Variants in USP36 observed in about 807,000 individuals in gnomAD.
USP36 encodes ubiquitin specific peptidase 36.
In USP36, 59 loss-of-function variants were observed where a neutral mutation model predicts 111.5. The observed-to-expected ratio is 0.53, with a 90% CI of 0.43 to 0.66. USP36 has a LOEUF of 0.66. USP36 is among the 30% of genes least tolerant of loss of function. The pLI is 0.00. For synonymous variants in USP36, 628 were observed against 581.0 expected (o/e 1.08, Z -1.16); for missense variants, 1,488 against 1,468.0 (o/e 1.01, Z -0.22).
At position 78,821,076 on chromosome 17, in the gene USP36, A is replaced by C. The variant is rs1375651606; in HGVS notation, c.758-15T>G. ...GGAGCACTTCACTGCAACAGAACAGAGGCAGTGGAGCAGGTGGGGCCTGGC... is the reference window on the plus strand; with the variant it reads ...GGAGCACTTCACTGCAACAGAACAGCGGCAGTGGAGCAGGTGGGGCCTGGC... On this transcript the variant is annotated splice_polypyrimidine_tract_variant and intron_variant, in intron 7 of 20. Coordinates refer to ENST00000449938, the MANE Select transcript of USP36 (RefSeq NM_001385174.1). 6.3e-7 allele frequency: 1 copy of C among 1,590,110 alleles called. No individual in the cohort carries two copies. Among genetic ancestry groups the C allele is most frequent in the African/African-American group, 1.3e-5 (1 of 74,446 alleles).
At chr17:78,834,533 A>G (rs28605110) in intron 4 of USP36, among the ~76,000 whole-genome samples, 8,577 of 151,862 alleles carry the variant, frequency 0.056, 765 homozygotes, top group African/African-American at 0.19. Flanking sequence ...TGCAACCTCC[A>G]CCTTCTGGGT....
rs963722648 is a variant in USP36 at position 78,796,222 on chromosome 17, C to T, written c.*1678G>A. On this transcript the variant is annotated 3_prime_UTR_variant, in exon 21 of 21. Transcript: ENST00000449938. The stretch of plus-strand genomic sequence containing the variant: ...AAATTCTGTGCCAGCAGACAACTAA[C>T]ATTTTCAACTACAGAACATCACACG... 2.6e-5 allele frequency: 4 copies of T among 152,254 alleles called. No homozygotes were observed. Among genetic ancestry groups the T allele is most frequent in the African/African-American group, 9.7e-5 (4 of 41,442 alleles). The allele number at this position is 152,254 out of a possible 1,614,324, so 9.4% of individuals were successfully genotyped here. A position where few individuals can be genotyped will look rare whatever the true frequency, so the allele number is the denominator to read the frequency against.
intron 9 of USP36, 93 bp downstream of exon 9, chr17:78,819,837 C>G: frequency 6.7e-6 from 9 of 1,348,596 alleles, no homozygotes; most frequent in Non-Finnish European, 9.4e-6. Flanking sequence ...GCGGTCACCG[C>G]TAAGGAAGAG....
intron 3 of USP36, among the ~76,000 whole-genome samples, chr17:78,788,689 T>C (rs142625598): frequency 2.6e-4 from 39 of 152,106 alleles, no homozygotes; most frequent in African/African-American, 8.7e-4. Context: ...GGACGAGATG[T>C]GGAGGGACTC....
rs986015458 is a variant in USP36, at chr17:78,798,136, C to A, written c.*21-257G>T. The A allele has an allele frequency of 1.9e-5, 9 of 475,218 alleles. No individual in the cohort carries two copies. Among genetic ancestry groups the A allele is most frequent in the African/African-American group, 1.2e-4 (6 of 51,410 alleles). The allele number at this position is 475,218 out of a possible 1,614,324, so 29.4% of individuals were successfully genotyped here. A position where few individuals can be genotyped will look rare whatever the true frequency, so the allele number is the denominator to read the frequency against. Reference sequence around the variant, plus strand: ...GATGCCAGGTGTACACACCCCACACCCAACACACACTACACACACCCCCTT... The same window carrying A: ...GATGCCAGGTGTACACACCCCACACACAACACACACTACACACACCCCCTT... On this transcript the variant is annotated intron_variant, in intron 20 of 20. Coordinates refer to ENST00000449938, the MANE Select transcript of USP36 (RefSeq NM_001385174.1). This position sits in a 1 kb window ranked among gnomAD's most constrained non-coding sequence, Gnocchi z 5.1.
chr17:78,827,571 C>T (rs7216266), intron 5 of USP36, among the ~76,000 whole-genome samples: 8,593 of 152,196 alleles, frequency 0.056, 758 homozygotes, highest in African/African-American at 0.19. Flanking sequence ...TGAGCATTCA[C>T]TACTGCACAG....
At chr17:78,839,694 C>T (rs551000105) in intron 1 of USP36, among the ~76,000 whole-genome samples, 1 of 152,330 alleles carries the variant, frequency 6.6e-6, no homozygotes, top group South Asian at 2.1e-4. Context: ...ACAGGTCAAT[C>T]TCTACTTCAC....
chr17:78,794,915 G>A (rs2093610191), downstream of USP36, among the ~76,000 whole-genome samples: 1 of 151,740 alleles, frequency 6.6e-6, no homozygotes, highest in Non-Finnish European at 1.5e-5. Flanking sequence ...GCTGAGGCAG[G>A]AGAATTGCTT....
upstream of USP36, chr17:78,841,132 G>C (rs142555796): frequency 3.1e-4 from 47 of 152,304 alleles, no homozygotes; most frequent in East Asian, 8.7e-3. Context: ...CTGGCGGCGT[G>C]GCGGACGCCT....
intron 8 of USP36, 118 bp from the exon 9 acceptor site, chr17:78,820,130 C>T: frequency 9.3e-7 from 1 of 1,076,486 alleles, no homozygotes; most frequent in Non-Finnish European, 1.3e-6. Context: ...CTTAGACTCG[C>T]ATAAAAATTT....
At chr17:78,830,256 T>C (rs2067965101) in intron 4 of USP36, among the ~76,000 whole-genome samples, 1 of 152,216 alleles carries the variant, frequency 6.6e-6, no homozygotes, top group Non-Finnish European at 1.5e-5. Flanking sequence ...GTTTCCAAAC[T>C]TCCTTTCTAT....
At chr17:78,839,926 C>T (rs1424529950) in intron 1 of USP36, among the ~76,000 whole-genome samples, 7 of 152,244 alleles carry the variant, frequency 4.6e-5, no homozygotes, top group Admixed American at 2.6e-4. Context: ...ACCATTTAGG[C>T]TCATTCCCGC....
intron 13 of USP36, among the ~76,000 whole-genome samples, chr17:78,812,480 G>A (rs530394646): frequency 6.6e-6 from 1 of 152,066 alleles, no homozygotes; most frequent in East Asian, 1.9e-4. Context: ...CTGAGGTCAG[G>A]AGATCGAAAG....
downstream of USP36, among the ~76,000 whole-genome samples, chr17:78,794,209 C>A (rs1181740692): frequency 6.6e-6 from 1 of 152,266 alleles, no homozygotes; most frequent in Non-Finnish European, 1.5e-5. Context: ...GCTGGTCATG[C>A]TCACCTGCTG....
chr17:78,834,452 T>C (rs1440438738), intron 4 of USP36, among the ~76,000 whole-genome samples: 1 of 152,052 alleles, frequency 6.6e-6, no homozygotes, highest in Non-Finnish European at 1.5e-5. Context: ...ATTTGTTTTT[T>C]GTGTGTGTGA....
At position 78,800,134 on chromosome 17, in the gene USP36, CA is replaced by C. The variant is rs372037379; in HGVS notation, c.3023-367del. On this transcript the variant is annotated intron_variant, in intron 17 of 20. Transcript: ENST00000449938. ...TGGAAAATAACAAAAAGCTAAAAAC[CA>C]AAAAAAAAAAAACCCTCCAAAACCC... 6.2e-3 allele frequency among the ~76,000 whole-genome samples: 824 copies of C among 133,222 alleles called. 5 individuals are homozygous for C. The highest frequency in any genetic ancestry group is 0.018 in the African/African-American group (652 of 36,644). 87.4% of individuals were successfully genotyped at this position (133,222 alleles called of 152,430 possible).
At chr17:78,791,645 C>G (rs982138349), downstream of USP36, among the ~76,000 whole-genome samples, 1 of 152,154 alleles carries the variant, frequency 6.6e-6, no homozygotes, top group Non-Finnish European at 1.5e-5. Context: ...CCCAGAACAA[C>G]GGGCTGGACA....
chr17:78,787,479 C>T (rs1008297129), exon 4 of USP36: 56 of 152,264 alleles, frequency 3.7e-4, no homozygotes, highest in African/African-American at 1.3e-3. Flanking sequence ...AATACAGAAC[C>T]ATTTGTAATC....
intron 5 of USP36, among the ~76,000 whole-genome samples, chr17:78,827,721 A>C (rs139022664): frequency 2.3e-3 from 355 of 152,200 alleles, no homozygotes; most frequent in African/African-American, 8.2e-3. Flanking sequence ...TGGGTAACAT[A>C]GGGAGACTTC....
Sources: allele counts gnomAD v4.1 joint callset (sites outside exome capture counted in the v4.1 genomes callset), GRCh38; gene constraint gnomAD v4.1.1; non-coding constraint Gnocchi (gnomAD v3.1); transcripts MANE v1.5; gene names NCBI Gene and HGNC (gene_info 2026-07-23, HGNC 2026-07-21).